L3MBTL1: variants seen among roughly 807,000 people sequenced by gnomAD.
L3MBTL1 encodes L3MBTL histone methyl-lysine binding protein 1.
A neutral mutation model predicts 105.3 loss-of-function variants in L3MBTL1; 75 were observed. The observed-to-expected ratio is 0.71, with a 90% CI of 0.59 to 0.86. The LOEUF is 0.86. Ranked by LOEUF, L3MBTL1 falls within the 40% of genes least tolerant of loss-of-function variation. The pLI, the probability that L3MBTL1 is intolerant of heterozygous loss-of-function variation, is 0.00. For missense variants in L3MBTL1, 1,069 were observed against 1,126.4 expected (o/e 0.95, Z 0.73); for synonymous variants, 452 against 436.2 (o/e 1.04, Z -0.45).
At chr20:43,518,968 G>A (rs183553641) in intron 7 of L3MBTL1, among the ~76,000 whole-genome samples, 68 of 150,666 alleles carry the variant, frequency 4.5e-4, no homozygotes, top group African/African-American at 1.6e-3. Flanking sequence ...GGAGGTTGCA[G>A]TGAGCCGAGA....
chr20:43,511,530 C>T (rs1284744743), intron 1 of L3MBTL1, among the ~76,000 whole-genome samples: 12 of 152,208 alleles, frequency 7.9e-5, no homozygotes, highest in Admixed American at 6.5e-5. Context: ...GCCTATAAAC[C>T]CAGCACTTTG....
chr20:43,534,045 T>C lies in L3MBTL1; in HGVS notation c.1551T>C (p.Tyr517=). 17 of 1,614,090 alleles carry C rather than the reference T, an allele frequency of 1.1e-5. No individual in the cohort carries two copies. The highest frequency in any genetic ancestry group is 1.4e-5 in the Non-Finnish European group (17 of 1,179,978). The change falls in exon 14 of 22, where the codon TAT becomes TAC. Residue 517 remains tyrosine, a synonymous_variant. Transcript: ENST00000418998. ...CTGATAACTTCTGTTGGGAGAAATATCTGGAAGAAACTGGGGCCTCTGCTG... is the reference window on the plus strand; with the variant it reads ...CTGATAACTTCTGTTGGGAGAAATACCTGGAAGAAACTGGGGCCTCTGCTG... The part of the protein sequence containing the change: ...PDPDNFCWEK[Y]LEETGASAVP...
chr20:43,546,145 C>G (rs1978585128), downstream of L3MBTL1, among the ~76,000 whole-genome samples: 2 of 152,210 alleles, frequency 1.3e-5, no homozygotes, highest in African/African-American at 4.8e-5. Flanking sequence ...GGGAAGCATG[C>G]TGACAGTGGG....
At chr20:43,508,633 T>A (rs575130363) in intron 1 of L3MBTL1, among the ~76,000 whole-genome samples, 1 of 152,362 alleles carries the variant, frequency 6.6e-6, no homozygotes, top group African/African-American at 2.4e-5. Flanking sequence ...TTATTGAGCA[T>A]CTGCTATGTG....
At chr20:43,548,335 C>T in exon 19 of L3MBTL1, 1 of 1,124,816 alleles carries the variant, frequency 8.9e-7, no homozygotes, top group Non-Finnish European at 1.2e-6. Flanking sequence ...TCATACCCCA[C>T]ACGTCCCCAT....
At chr20:43,512,166 G>C (rs1453050650) in intron 1 of L3MBTL1, among the ~76,000 whole-genome samples, 1 of 152,146 alleles carries the variant, frequency 6.6e-6, no homozygotes, top group Non-Finnish European at 1.5e-5. Context: ...AGACTGTAGG[G>C]GTGCAGGAAA....
chr20:43,532,834 C>T lies in L3MBTL1; in HGVS notation c.1346C>T (p.Pro449Leu), dbSNP rs377493639. Residue 449 changes from proline to leucine, a missense_variant, in exon 12 of 22, where the codon CCG (proline) becomes CTG (leucine). Physicochemically the swap from Pro to Leu is moderately conservative, Grantham distance 98. Transcript: ENST00000418998. Reference protein sequence around the residue: ...MKLEAVDRMNPSLVCVASVTD... With the variant: ...MKLEAVDRMNLSLVCVASVTD... ...CTGGAGGCTGTTGACCGCATGAACC[C>T]GTCCCTTGTCTGCGTGGCCAGTGTG... 11 of 1,614,100 alleles carry T rather than the reference C, an allele frequency of 6.8e-6. No individual in the cohort carries two copies. The highest frequency in any genetic ancestry group is 2.2e-5 in the East Asian group (1 of 44,888).
At chr20:43,544,572 T>C (rs1978451386), downstream of L3MBTL1, among the ~76,000 whole-genome samples, 2 of 152,284 alleles carry the variant, frequency 1.3e-5, no homozygotes, top group South Asian at 4.1e-4. Context: ...TGGCCTTTGC[T>C]TTGAAGAACC....
chr20:43,509,317 C>T lies in L3MBTL1; in HGVS notation c.-29+1573C>T, dbSNP rs142169510. Among the ~76,000 whole-genome samples, 136 of 152,150 alleles carry T rather than the reference C, an allele frequency of 8.9e-4. 1 individual carries two copies. In the East Asian group the frequency reaches 0.023, roughly 26 times the overall value. On this transcript the variant is annotated intron_variant, in intron 1 of 21. Transcript: ENST00000418998. The stretch of plus-strand genomic sequence containing the variant: ...ATAGCTCACTGCAGCCTTTACCTCC[C>T]AGGCTCAAGCAACCCTCCCACCTCA...
chr20:43,511,787 A>G (rs1201374620), intron 1 of L3MBTL1, among the ~76,000 whole-genome samples: 1 of 151,786 alleles, frequency 6.6e-6, no homozygotes, highest in Non-Finnish European at 1.5e-5. Context: ...TCTCAAAAAA[A>G]AAAAAAAAAA....
intron 6 of L3MBTL1, 95 bp from the exon 7 acceptor site, chr20:43,515,998 A>C: frequency 1.1e-6 from 1 of 916,846 alleles, no homozygotes; most frequent in East Asian, 2.5e-5. Flanking sequence ...AGAACACCAC[A>C]TGGCCAGAGA....
chr20:43,514,672 G>C lies in L3MBTL1; in HGVS notation c.398G>C (p.Gly133Ala), dbSNP rs781567395. Residue 133 changes from glycine to alanine, a missense_variant, in exon 4 of 22, where the codon GGA (glycine) becomes GCA (alanine). Transcript: ENST00000418998. ...ISEYKPLNMA[G>A]VEQPPSPELR... ...GAGTATAAGCCGCTGAACATGGCGGGAGTGGAGCAGCCCCCGAGCCCCGAG... is the reference window on the plus strand; with the variant it reads ...GAGTATAAGCCGCTGAACATGGCGGCAGTGGAGCAGCCCCCGAGCCCCGAG... 7 of 1,591,088 alleles carry C rather than the reference G, an allele frequency of 4.4e-6. No homozygotes were observed. The South Asian group carries it at 8.0e-5, about 18-fold the overall frequency.
chr20:43,525,038 A>G (rs2018952694), intron 7 of L3MBTL1, among the ~76,000 whole-genome samples: 2 of 152,044 alleles, frequency 1.3e-5, no homozygotes, highest in Admixed American at 1.3e-4. Context: ...CAAGGACAGT[A>G]AATGTGGAGA....
At chr20:43,508,981 TC>T (rs2018060590) in intron 1 of L3MBTL1, among the ~76,000 whole-genome samples, 1 of 152,100 alleles carries the variant, frequency 6.6e-6, no homozygotes, top group African/African-American at 2.4e-5. Context: ...TCAGAGCAGT[TC>T]CAAGAGAGGC....
intron 18 of L3MBTL1, chr20:43,548,024 C>A: frequency 3.3e-6 from 3 of 918,562 alleles, no homozygotes; most frequent in Non-Finnish European, 4.5e-6. Flanking sequence ...CCCCCATTCC[C>A]CATGCACACC....
intron 19 of L3MBTL1, chr20:43,539,830 A>ACC (rs1568928312): frequency 7.1e-6 from 3 of 425,352 alleles, no homozygotes; most frequent in Non-Finnish European, 8.8e-6. Flanking sequence ...CTAGAAAATT[A>ACC]TGTCTTTAGA....
chr20:43,536,418 C>T lies in L3MBTL1; in HGVS notation c.2133C>T (p.Arg711=), dbSNP rs751448981. The T allele has an allele frequency of 1.9e-6, 3 of 1,614,046 alleles. No homozygotes were observed. The East Asian group carries it at 6.7e-5, about 36-fold the overall frequency. ...GTCCGTCTTTCTCCAGAATTGGACG[C>T]CCTCCGAAGTATCGAAAGATTCCGC... The part of the protein sequence containing the change: ...KKPRHHGRIG[R]PPKYRKIPQE... The change falls in exon 19 of 22, where the codon CGC becomes CGT. Residue 711 remains arginine (R), a synonymous_variant. Transcript: ENST00000418998.
downstream of L3MBTL1, among the ~76,000 whole-genome samples, chr20:43,544,881 G>A (rs1451251141): frequency 6.6e-6 from 1 of 152,022 alleles, no homozygotes; most frequent in Admixed American, 6.6e-5. Context: ...CATGAGAATC[G>A]CTTGAACCTG....
At chr20:43,533,278 C>T (rs1019234075) in intron 12 of L3MBTL1, 64 bp from the exon 13 acceptor site, 2 of 1,476,566 alleles carry the variant, frequency 1.4e-6, no homozygotes, top group East Asian at 2.3e-5. Context: ...GCCATGCTTT[C>T]AGAGGATGGC....
Sources: allele counts gnomAD v4.1 joint callset (sites outside exome capture counted in the v4.1 genomes callset), GRCh38; gene constraint gnomAD v4.1.1; transcripts MANE v1.5; gene names NCBI Gene and HGNC (gene_info 2026-07-23, HGNC 2026-07-21).